The following VPS8 variants were observed in gnomAD, a reference collection of about 807,000 sequenced individuals.
VPS8 encodes the protein VPS8 subunit of CORVET complex.
Under a neutral mutation model 216.4 loss-of-function variants are expected in VPS8, and 129 were observed. That is an observed-to-expected ratio of 0.60 (90% confidence interval 0.52 to 0.69). The LOEUF (loss-of-function observed/expected upper bound fraction) is 0.69. VPS8 is among the 30% of genes least tolerant of loss of function. The probability of loss-of-function intolerance (pLI) is 0.00; values close to 1 mark genes in which losing one functional copy is unlikely to be tolerated. For synonymous variants in VPS8, 571 were observed against 565.4 expected (o/e 1.01, Z -0.14); for missense variants, 1,531 against 1,683.5 (o/e 0.91, Z 1.59).
intron 47 of VPS8, among the ~76,000 whole-genome samples, chr3:185,051,641 A>G (rs1714265194): frequency 6.6e-6 from 1 of 152,182 alleles, no homozygotes; most frequent in Admixed American, 6.5e-5. Context: ...TGCCCTTGGG[A>G]GCAAACCAGT....
intron 37 of VPS8, among the ~76,000 whole-genome samples, chr3:184,958,773 T>C (rs1341493089): frequency 6.6e-6 from 1 of 152,178 alleles, no homozygotes; most frequent in African/African-American, 2.4e-5. Flanking sequence ...TGCAAGTAAA[T>C]AATAAAATCT....
At chr3:184,844,965 T>C (rs956571286) in intron 8 of VPS8, among the ~76,000 whole-genome samples, 6 of 152,250 alleles carry the variant, frequency 3.9e-5, no homozygotes, top group Admixed American at 1.3e-4. Context: ...GGTGATAGTC[T>C]CATTTCATAT....
intron 15 of VPS8, among the ~76,000 whole-genome samples, chr3:184,861,153 G>T (rs908646476): frequency 6.6e-6 from 1 of 152,080 alleles, no homozygotes; most frequent in Non-Finnish European, 1.5e-5. Flanking sequence ...ATTTCTTTTT[G>T]TATCAAATTT....
chr3:184,957,538 A>G lies in VPS8; in HGVS notation c.3183+17A>G, dbSNP rs1340934468. On this transcript the variant is annotated intron_variant, in intron 37 of 47. Coordinates refer to ENST00000625842, the MANE Select transcript of VPS8 (RefSeq NM_001009921.3). ...ACTATTCAGGTGAGACGAACAATGT[A>G]AAAGAGACAAGAGTAAACTCTTCTT... 3 of 1,599,842 alleles carry G rather than the reference A, an allele frequency of 1.9e-6. No individual in the cohort carries two copies. The highest frequency in any genetic ancestry group is 1.7e-5 in the Admixed American group (1 of 57,420).
intron 21 of VPS8, among the ~76,000 whole-genome samples, chr3:184,877,721 T>C (rs966127392): frequency 1.3e-5 from 2 of 152,222 alleles, no homozygotes; most frequent in African/African-American, 4.8e-5. Context: ...TGTACTGTAC[T>C]ATGTTTCATC....
At chr3:184,824,969 A>C (rs1477281673) in intron 2 of VPS8, 184 bp downstream of exon 2, 1 of 615,794 alleles carries the variant, frequency 1.6e-6, no homozygotes, top group Non-Finnish European at 2.9e-6. Flanking sequence ...ACAGTGGTGC[A>C]AACATGGCTC....
At position 185,024,376 on chromosome 3, in the gene VPS8, C is replaced by G; in HGVS notation, c.4043C>G (p.Pro1348Arg). The G allele has an allele frequency of 6.3e-7, 1 of 1,597,928 alleles. No homozygotes were observed. Among genetic ancestry groups the G allele is most frequent in the Non-Finnish European group, 8.5e-7 (1 of 1,171,506 alleles). ...SPSYHQSKGDPTAKKGTSEPV... is the reference protein window; with the variant it reads ...SPSYHQSKGDRTAKKGTSEPV... ...TCGTATCATCAGTCCAAAGGGGATC[C>G]CACTGCTAAAAAGGTGAGTTTGTTT... is the stretch of plus-strand genomic sequence containing the variant. The change falls in exon 46 of 48, where the codon CCC becomes CGC. Residue 1348 changes from proline to arginine, a missense_variant. By Grantham distance (103) the Pro-to-Arg change is moderately radical. This residue lies in a region of VPS8 where 1,318 missense variants were observed against 1,468.4 expected (regional missense o/e 0.90). Coordinates refer to ENST00000625842, the MANE Select transcript of VPS8 (RefSeq NM_001009921.3).
chr3:184,987,256 G>A (rs1351033555), intron 42 of VPS8, among the ~76,000 whole-genome samples: 1 of 152,040 alleles, frequency 6.6e-6, no homozygotes, highest in Non-Finnish European at 1.5e-5. Context: ...TGGGATTACA[G>A]GCATACACCA....
At chr3:184,882,390 T>G (rs947417914) in intron 21 of VPS8, 1 of 455,618 alleles carries the variant, frequency 2.2e-6, no homozygotes, top group Non-Finnish European at 4.4e-6. Context: ...TTTTGAATAT[T>G]GAACCAGTCT....
At chr3:185,006,010 T>A (rs1429241281) in intron 45 of VPS8, among the ~76,000 whole-genome samples, 4 of 152,210 alleles carry the variant, frequency 2.6e-5, no homozygotes, top group Non-Finnish European at 5.9e-5. Flanking sequence ...GATCTACACA[T>A]CAGCAAAAGT....
chr3:184,887,640 G>A (rs1409113920), intron 22 of VPS8, among the ~76,000 whole-genome samples: 2 of 152,212 alleles, frequency 1.3e-5, no homozygotes, highest in Non-Finnish European at 2.9e-5. Flanking sequence ...TCTAGCTCCT[G>A]TGTTCTTGGT....
intron 34 of VPS8, among the ~76,000 whole-genome samples, 173 bp downstream of exon 34, chr3:184,930,741 A>T (rs1010127604): frequency 6.6e-6 from 1 of 152,214 alleles, no homozygotes; most frequent in Non-Finnish European, 1.5e-5. Context: ...TCTGTGTCAC[A>T]TGCAATCTAT....
rs1211910115 is a variant in VPS8 at position 185,052,550 on chromosome 3, C to T, written c.*525C>T. On this transcript the variant is annotated 3_prime_UTR_variant, in exon 48 of 48. Coordinates refer to ENST00000625842, the MANE Select transcript of VPS8 (RefSeq NM_001009921.3). The stretch of plus-strand genomic sequence containing the variant: ...CCCTTTAATGTGTTCATGTTAAAAC[C>T]TATTTGAGTGTAAGACTTGCCCTTT... 1 of 152,328 alleles carries T rather than the reference C, an allele frequency of 6.6e-6. No homozygotes were observed. Among genetic ancestry groups the T allele is most frequent in the African/African-American group, 2.4e-5 (1 of 41,454 alleles). 9.4% of individuals were successfully genotyped at this position (152,328 alleles called of 1,614,324 possible).
intron 45 of VPS8, among the ~76,000 whole-genome samples, chr3:185,023,328 G>C (rs573928427): frequency 6.6e-6 from 1 of 152,240 alleles, no homozygotes; most frequent in East Asian, 1.9e-4. Context: ...GCATTGTTGT[G>C]TCTTCCTAAT....
chr3:184,983,582 CATT>C (rs1047959527), intron 42 of VPS8, among the ~76,000 whole-genome samples: 22 of 152,260 alleles, frequency 1.4e-4, no homozygotes, highest in African/African-American at 5.3e-4. Flanking sequence ...TTGTAGGAAG[CATT>C]ATTTTGGTTT....
At chr3:185,003,456 G>T (rs1753720702) in intron 45 of VPS8, among the ~76,000 whole-genome samples, 3 of 142,498 alleles carry the variant, frequency 2.1e-5, no homozygotes, top group African/African-American at 5.3e-5. Flanking sequence ...GTTTCAGAGA[G>T]CACAGGGTTG....
intron 35 of VPS8, among the ~76,000 whole-genome samples, chr3:184,937,225 C>T (rs1229012157): frequency 6.6e-6 from 1 of 152,066 alleles, no homozygotes; most frequent in Non-Finnish European, 1.5e-5. Context: ...TTACCATGGC[C>T]GTGCTGATGT....
chr3:185,030,999 C>T (rs1180521293), intron 46 of VPS8, among the ~76,000 whole-genome samples: 1 of 146,458 alleles, frequency 6.8e-6, no homozygotes, highest in African/African-American at 2.6e-5. Context: ...CTCAGTCTTG[C>T]TGCTCATGTC....
chr3:184,983,034 A>G lies in VPS8; in HGVS notation c.3525A>G (p.Gln1175=), dbSNP rs755774030. ...HSEALKSLTM[Q]VLNSMAAFIA... is the part of the protein sequence containing the mutation. ...CAGCTCTGAAGTCTTTGACCATGCA[A>G]GTTTTAAATAGCATGGCAGCATTTA... Residue 1175 remains glutamine, a synonymous_variant, in exon 42 of 48, where the codon CAA becomes CAG. Coordinates refer to ENST00000625842, the MANE Select transcript of VPS8 (RefSeq NM_001009921.3). 22 of 1,608,610 alleles carry G rather than the reference A, an allele frequency of 1.4e-5. No individual in the cohort carries two copies. The East Asian group carries it at 1.6e-4, about 11-fold the overall frequency.
Sources: gnomAD v4.1 joint callset for allele counts (sites outside exome capture counted in the v4.1 genomes callset) on GRCh38, gnomAD v4.1.1 for gene constraint, gnomAD v4.1.1 regional missense constraint, MANE v1.5 for transcripts, NCBI Gene and HGNC (gene_info 2026-07-23, HGNC 2026-07-21) for gene names.